FHOD3: variants seen among roughly 807,000 people sequenced by gnomAD.
FHOD3 encodes the protein FH1/FH2 domain-containing protein 3.
Under a neutral mutation model 173.0 loss-of-function variants are expected in FHOD3, and 90 were observed. The observed-to-expected ratio is 0.52, with a 90% CI of 0.44 to 0.62. The LOEUF (loss-of-function observed/expected upper bound fraction) is 0.62, where lower values mean the gene tolerates loss of function less well. Among genes scored for constraint, FHOD3 ranks in the 20% least tolerant of loss-of-function variants. The pLI is 0.00. For missense variants in FHOD3, 1,945 were observed against 2,034.7 expected (o/e 0.96, Z 0.85); for synonymous variants, 828 against 823.0 (o/e 1.01, Z -0.10).
chr18:36,635,256 G>C (rs186061783), intron 10 of FHOD3, among the ~76,000 whole-genome samples: 1 of 152,172 alleles, frequency 6.6e-6, no homozygotes, highest in Non-Finnish European at 1.5e-5. Context: ...TCAAATATTC[G>C]TTGTGACCAG....
At chr18:36,365,230 G>T (rs1391623705) in intron 2 of FHOD3, among the ~76,000 whole-genome samples, 9 of 152,118 alleles carry the variant, frequency 5.9e-5, no homozygotes, top group Middle Eastern at 3.2e-3. Context: ...TCTTAGATAT[G>T]ACAAAAGCAT....
chr18:36,581,997 G>A (rs1369121509), intron 6 of FHOD3, among the ~76,000 whole-genome samples: 1 of 152,332 alleles, frequency 6.6e-6, no homozygotes, highest in East Asian at 1.9e-4. Flanking sequence ...TCTAGGAGGA[G>A]ATTTCTGGAT....
intron 18 of FHOD3, 43 bp from the exon 19 acceptor site, chr18:36,717,789 C>T (rs1379851788): frequency 7.3e-6 from 11 of 1,513,778 alleles, no homozygotes; most frequent in Non-Finnish European, 9.7e-6. Flanking sequence ...GGAAGTGAGG[C>T]CCCCTTGCCC....
chr18:36,298,098 G>C, intron 1 of FHOD3, 98 bp downstream of exon 1: 3 of 1,123,710 alleles, frequency 2.7e-6, no homozygotes, highest in Non-Finnish European at 3.5e-6. Context: ...CCCTGGGCTG[G>C]GCTGGGCGCG....
intron 5 of FHOD3, among the ~76,000 whole-genome samples, chr18:36,538,995 C>A (rs2057100417): frequency 6.6e-6 from 1 of 152,134 alleles, no homozygotes; most frequent in South Asian, 2.1e-4. Flanking sequence ...TGAAGAGTAC[C>A]TGGGATCTCA....
intron 25 of FHOD3, among the ~76,000 whole-genome samples, chr18:36,755,930 C>A (rs1161579657): frequency 6.6e-6 from 1 of 152,140 alleles, no homozygotes; most frequent in Non-Finnish European, 1.5e-5. Context: ...AGCCCCTGCA[C>A]ACTTACATGT....
At chr18:36,748,382 A>AACAC (rs532609709) in intron 24 of FHOD3, among the ~76,000 whole-genome samples, 5,287 of 143,510 alleles carry the variant, frequency 0.037, 107 homozygotes, top group South Asian at 0.093. Flanking sequence ...ACACACACAC[A>AACAC]ACACACACAC....
intron 10 of FHOD3, among the ~76,000 whole-genome samples, chr18:36,640,137 C>G (rs2035201118): frequency 6.6e-6 from 1 of 152,164 alleles, no homozygotes; most frequent in Non-Finnish European, 1.5e-5. Flanking sequence ...GATCCATGAG[C>G]TATACTTTAT....
chr18:36,350,068 A>G (rs28377551), intron 1 of FHOD3, among the ~76,000 whole-genome samples: 3,587 of 152,282 alleles, frequency 0.024, 149 homozygotes, highest in African/African-American at 0.082. Context: ...ATGAGGCATC[A>G]TGCCTGGCTT....
intron 5 of FHOD3, among the ~76,000 whole-genome samples, chr18:36,553,508 G>T (rs1301520933): frequency 6.6e-6 from 1 of 152,144 alleles, no homozygotes; most frequent in Admixed American, 6.6e-5. Context: ...CCTGCTATTG[G>T]TCTATTCAGG....
intron 5 of FHOD3, among the ~76,000 whole-genome samples, chr18:36,566,149 A>T (rs1381247116): frequency 1.3e-5 from 2 of 152,210 alleles, no homozygotes; most frequent in Non-Finnish European, 2.9e-5. Flanking sequence ...GCAAAAAGTC[A>T]GATGATTTTG....
chr18:36,637,592 A>G (rs1465606787), intron 10 of FHOD3, among the ~76,000 whole-genome samples: 2 of 152,190 alleles, frequency 1.3e-5, no homozygotes, highest in Admixed American at 6.5e-5. Context: ...ATGTTCTTGG[A>G]TCTGAGAATA....
intron 5 of FHOD3, among the ~76,000 whole-genome samples, chr18:36,547,230 C>T (rs576401301): frequency 1.2e-4 from 18 of 152,282 alleles, no homozygotes; most frequent in Admixed American, 3.3e-4. Flanking sequence ...TTCCTAGGTG[C>T]GCATTCCCAG....
intron 3 of FHOD3, among the ~76,000 whole-genome samples, chr18:36,389,762 C>T (rs537914224): frequency 6.6e-6 from 1 of 152,262 alleles, no homozygotes; most frequent in African/African-American, 2.4e-5. Context: ...CTCAGATCCC[C>T]AGGAGGACAT....
chr18:36,440,555 C>A (rs761165391), intron 3 of FHOD3, among the ~76,000 whole-genome samples: 2 of 152,262 alleles, frequency 1.3e-5, no homozygotes, highest in Non-Finnish European at 2.9e-5. Flanking sequence ...TGCTCATATT[C>A]TGCCACCTGT....
intron 5 of FHOD3, among the ~76,000 whole-genome samples, chr18:36,548,861 C>A (rs2057523849): frequency 6.6e-6 from 1 of 152,090 alleles, no homozygotes; most frequent in African/African-American, 2.4e-5. Context: ...CAGTTTTAGA[C>A]TATTCAAAAT....
chr18:36,479,003 C>G (rs1368611420), intron 3 of FHOD3, among the ~76,000 whole-genome samples: 1 of 152,184 alleles, frequency 6.6e-6, no homozygotes, highest in East Asian at 1.9e-4. Flanking sequence ...ATTTGATGGA[C>G]TTTTATCAAC....
At chr18:36,465,387 G>A (rs984446378) in intron 3 of FHOD3, among the ~76,000 whole-genome samples, 16 of 152,238 alleles carry the variant, frequency 1.1e-4, no homozygotes, top group African/African-American at 3.4e-4. Context: ...TGATGTTCGT[G>A]GCTGCCTCCA....
At chr18:36,353,224 G>A (rs997455578) in intron 1 of FHOD3, among the ~76,000 whole-genome samples, 1 of 152,148 alleles carries the variant, frequency 6.6e-6, no homozygotes, top group Admixed American at 6.5e-5. Context: ...TATGAGGTAT[G>A]GTCTGCTATT....
Sources: gnomAD v4.1 joint callset for allele counts (sites outside exome capture counted in the v4.1 genomes callset) on GRCh38, gnomAD v4.1.1 for gene constraint, MANE v1.5 for transcripts, NCBI Gene and HGNC (gene_info 2026-07-23, HGNC 2026-07-21) for gene names.